HMGCLL1: variants seen among roughly 807,000 people sequenced by gnomAD.
HMGCLL1 encodes 3-hydroxymethyl-3-methylglutaryl-CoA lyase, cytoplasmic.
HMGCLL1 carries 36 observed loss-of-function variants against 39.1 expected under a neutral mutation model. The ratio of observed to expected loss-of-function variants is 0.92; its 90% CI spans 0.71 to 1.22. The LOEUF (loss-of-function observed/expected upper bound fraction) is 1.22. Ranked by LOEUF, HMGCLL1 falls within the 50% of genes most tolerant of loss-of-function variation. HMGCLL1 has a pLI of 0.00. For missense variants in HMGCLL1, 451 were observed against 416.5 expected (o/e 1.08, Z -0.72); for synonymous variants, 149 against 144.0 (o/e 1.03, Z -0.25).
chr6:55,462,613 C>T (rs1442721268), intron 7 of HMGCLL1, among the ~76,000 whole-genome samples: 2 of 152,076 alleles, frequency 1.3e-5, no homozygotes, highest in African/African-American at 2.4e-5. Flanking sequence ...CGTATCTAAC[C>T]TAGAGCATGC....
chr6:55,579,037 CG>C lies in HMGCLL1; in HGVS notation c.18del (p.Ala7ArgfsTer2). The C allele has an allele frequency of 1.2e-6, 2 of 1,612,122 alleles. No individual in the cohort carries two copies. Among genetic ancestry groups the C allele is most frequent in the Non-Finnish European group, 1.7e-6 (2 of 1,179,076 alleles). On this transcript the variant is annotated frameshift_variant, in exon 1 of 9. Coordinates refer to ENST00000274901, the MANE Select transcript of HMGCLL1 (RefSeq NM_001042406.2). LOFTEE classifies it high-confidence loss of function. MGNVP[S>X]AVKHCLSYQQ... ...TGGTAGCTGAGGCAGTGCTTCACCG[CG>C]GATGGCACATTCCCCATGGCGGAGC...
At chr6:55,589,128 C>T in the HMGCLL1 span, among the ~76,000 whole-genome samples, 1 of 152,246 alleles carries the variant, frequency 6.6e-6, no homozygotes, top group Non-Finnish European at 1.5e-5. Flanking sequence ...ACAAATATCC[C>T]TGATGAACAT....
At chr6:55,442,819 T>A (rs186041514) in intron 7 of HMGCLL1, among the ~76,000 whole-genome samples, 1 of 152,276 alleles carries the variant, frequency 6.6e-6, no homozygotes. Context: ...AATGGGGAAT[T>A]ATACTTTAGA....
intron 1 of HMGCLL1, among the ~76,000 whole-genome samples, chr6:55,553,567 C>G (rs1323937764): frequency 1.3e-5 from 2 of 152,060 alleles, no homozygotes; most frequent in African/African-American, 4.8e-5. Flanking sequence ...CCTCATTCTC[C>G]TCTGTTAAAA....
At chr6:55,517,627 A>G (rs1040417763) in intron 3 of HMGCLL1, among the ~76,000 whole-genome samples, 1 of 151,954 alleles carries the variant, frequency 6.6e-6, no homozygotes, top group Admixed American at 6.6e-5. Context: ...AAATAAATCC[A>G]AACAAAAAAT....
At chr6:55,618,927 T>C in the HMGCLL1 span, among the ~76,000 whole-genome samples, 10 of 152,134 alleles carry the variant, frequency 6.6e-5, no homozygotes, top group Non-Finnish European at 1.3e-4. Flanking sequence ...TTTTCAGGCA[T>C]GTGAGATTTT....
chr6:55,618,227 C>T, the HMGCLL1 span, among the ~76,000 whole-genome samples: 13 of 151,892 alleles, frequency 8.6e-5, no homozygotes, highest in Admixed American at 3.9e-4. Flanking sequence ...TGTTCTATTG[C>T]TTGACCTGGG....
At chr6:55,540,374 A>T (rs1018953349) in intron 3 of HMGCLL1, among the ~76,000 whole-genome samples, 2 of 152,112 alleles carry the variant, frequency 1.3e-5, no homozygotes, top group African/African-American at 4.8e-5. Flanking sequence ...AAAAAGAAGG[A>T]TCTTTGGGAG....
the HMGCLL1 span, among the ~76,000 whole-genome samples, chr6:55,614,084 T>G: frequency 2.0e-5 from 3 of 152,254 alleles, no homozygotes; most frequent in East Asian, 5.8e-4. Context: ...TTCATATGAT[T>G]TTTCTATTTG....
chr6:55,617,141 C>CA, the HMGCLL1 span, among the ~76,000 whole-genome samples: 37 of 151,794 alleles, frequency 2.4e-4, no homozygotes, highest in East Asian at 5.8e-4. Context: ...CATCCTGTCA[C>CA]AAAAAAAACC....
the HMGCLL1 span, among the ~76,000 whole-genome samples, chr6:55,613,385 G>A: frequency 6.6e-6 from 1 of 152,096 alleles, no homozygotes; most frequent in African/African-American, 2.4e-5. Flanking sequence ...AGACAGTGTG[G>A]CGATTCCTCA....
In HMGCLL1 at chr6:55,543,084, GATAT is replaced by G. The variant is rs1769574931; in HGVS notation, c.109-948_109-945del. 7.0e-5 allele frequency among the ~76,000 whole-genome samples: 2 copies of G among 28,506 alleles called. 1 individual carries two copies. Among genetic ancestry groups the G allele is most frequent in the African/African-American group, 2.5e-4 (2 of 7,952 alleles). The allele number at this position is 28,506 out of a possible 152,430, so 18.7% of individuals were successfully genotyped here. On this transcript the variant is annotated intron_variant, in intron 1 of 8. Transcript: ENST00000274901. ...TGATATATAATATATATACAGGTGT[GATAT>G]ATATAATATAATATATGATATAATA...
intron 7 of HMGCLL1, among the ~76,000 whole-genome samples, chr6:55,472,744 T>G (rs73447042): frequency 0.08 from 12,143 of 151,544 alleles, 1,577 homozygotes; most frequent in African/African-American, 0.28. Context: ...GTATGGATGA[T>G]TCACAAATGT....
intron 7 of HMGCLL1, among the ~76,000 whole-genome samples, chr6:55,495,177 T>C (rs1333980398): frequency 6.6e-6 from 1 of 152,172 alleles, no homozygotes; most frequent in Non-Finnish European, 1.5e-5. Flanking sequence ...ATTAATACTT[T>C]TCAAAAGAAT....
chr6:55,666,391 C>T, the HMGCLL1 span, among the ~76,000 whole-genome samples: 8 of 151,636 alleles, frequency 5.3e-5, no homozygotes, highest in Non-Finnish European at 1.0e-4. Flanking sequence ...AGTTACTGTA[C>T]TTTGTGAAGT....
chr6:55,609,084 C>T, the HMGCLL1 span, among the ~76,000 whole-genome samples: 4 of 152,194 alleles, frequency 2.6e-5, no homozygotes, highest in Admixed American at 1.3e-4. Context: ...CATTGGTGAG[C>T]CCACGCCACC....
At chr6:55,486,536 A>G (rs995339675) in intron 7 of HMGCLL1, among the ~76,000 whole-genome samples, 1 of 152,102 alleles carries the variant, frequency 6.6e-6, no homozygotes, top group African/African-American at 2.4e-5. Context: ...GTTCTCATAA[A>G]GCTGGCAATG....
chr6:55,615,992 A>G, the HMGCLL1 span, among the ~76,000 whole-genome samples: 23 of 152,116 alleles, frequency 1.5e-4, no homozygotes, highest in African/African-American at 5.5e-4. Flanking sequence ...TTAAAATTTT[A>G]TTCCTGGGTA....
At position 55,527,607 on chromosome 6, in the gene HMGCLL1, C is replaced by T. The variant is rs546832179; in HGVS notation, c.298-11004G>A. The stretch of plus-strand genomic sequence containing the variant: ...ACACAAAAATATCTATTGAAAATTT[C>T]GTTAAAACTTATAACAGATGATGAC... On this transcript the variant is annotated intron_variant, in intron 3 of 8. Coordinates refer to ENST00000274901, the MANE Select transcript of HMGCLL1 (RefSeq NM_001042406.2). Among the ~76,000 whole-genome samples, 10 of 152,096 alleles carry T rather than the reference C, an allele frequency of 6.6e-5. No homozygotes were observed. The East Asian group carries it at 1.5e-3, about 24-fold the overall frequency.
Sources: gnomAD v4.1 joint callset for allele counts (sites outside exome capture counted in the v4.1 genomes callset) on GRCh38, gnomAD v4.1.1 for gene constraint, MANE v1.5 for transcripts, NCBI Gene and HGNC (gene_info 2026-07-23, HGNC 2026-07-21) for gene names.